Variants in CLTB observed in about 807,000 individuals in gnomAD.
CLTB encodes clathrin, light chain (Lcb).
Under a neutral mutation model 30.5 loss-of-function variants are expected in CLTB, and 10 were observed. The ratio of observed to expected loss-of-function variants is 0.33; its 90% CI spans 0.20 to 0.56. The LOEUF (loss-of-function observed/expected upper bound fraction) is 0.56, where lower values mean the gene tolerates loss of function less well. Ranked by LOEUF, CLTB falls within the 20% of genes least tolerant of loss-of-function variation. The probability of loss-of-function intolerance (pLI) is 0.91; values close to 1 mark genes in which losing one functional copy is unlikely to be tolerated. For missense variants in CLTB, 261 were observed against 308.3 expected, an observed-to-expected ratio of 0.85 and a Z score of 1.15; for synonymous variants, 102 against 120.3, an observed-to-expected ratio of 0.85 and a Z score of 1.00.
intron 1 of CLTB, among the ~76,000 whole-genome samples, chr5:176,413,799 C>T (rs995885148): frequency 3.9e-5 from 6 of 152,238 alleles, no homozygotes; most frequent in Admixed American, 2.0e-4. Context: ...GAGCCGCCAT[C>T]CCTCAACACC....
At chr5:176,406,443 A>ATG in intron 2 of CLTB, 1 of 1,174,530 alleles carries the variant, frequency 8.5e-7, no homozygotes, top group Non-Finnish European at 1.1e-6. Flanking sequence ...GGCCAAGAGG[A>ATG]TGAGCCACAT....
At chr5:176,404,647 G>T (rs1581437340) in intron 2 of CLTB, among the ~76,000 whole-genome samples, 1 of 152,162 alleles carries the variant, frequency 6.6e-6, no homozygotes. Context: ...GCCAAACTGG[G>T]CCCACATCTC....
At chr5:176,394,280 G>A (rs1756388764) in intron 5 of CLTB, among the ~76,000 whole-genome samples, 1 of 152,192 alleles carries the variant, frequency 6.6e-6, no homozygotes, top group Non-Finnish European at 1.5e-5. Flanking sequence ...TCAGCATGAC[G>A]ACAGAGCCTG....
rs762553981 is a variant in CLTB at position 176,416,251 on chromosome 5, A to G, written c.113T>C (p.Ile38Thr). Residue 38 changes from isoleucine to threonine, a missense_variant, in exon 1 of 6, where the codon ATA becomes ACA. By Grantham distance (89) the Ile-to-Thr change is moderately conservative. Around this residue, in one of 3 missense-constraint regions of CLTB, gnomAD observed 113 missense variants for 102.5 expected, o/e 1.10. Coordinates refer to ENST00000310418, the MANE Select transcript of CLTB (RefSeq NM_007097.5). ...LAQQESEIAG[I>T]ENDEGFGAPA... The stretch of plus-strand genomic sequence containing the variant: ...TGCCCCGAAGCCCTCGTCGTTCTCT[A>G]TGCCTGCAATCTCGCTCTCCTGCTG... 1 of 1,601,788 alleles carries G rather than the reference A, an allele frequency of 6.2e-7. No homozygotes were observed. Among genetic ancestry groups the G allele is most frequent in the Non-Finnish European group, 8.5e-7 (1 of 1,175,992 alleles).
chr5:176,395,502 C>T (rs1441905388), intron 5 of CLTB, among the ~76,000 whole-genome samples: 1 of 152,200 alleles, frequency 6.6e-6, no homozygotes, highest in Non-Finnish European at 1.5e-5. Context: ...GGCTTAGCCT[C>T]GACACATGAC....
In CLTB at chr5:176,396,525, C is replaced by A; in HGVS notation, c.472G>T (p.Asp158Tyr). Residue 158 changes from aspartate to tyrosine, a missense_variant, in exon 5 of 6, where the codon GAC becomes TAC. By Grantham distance (160) the Asp-to-Tyr change is radical. Coordinates refer to ENST00000310418, the MANE Select transcript of CLTB (RefSeq NM_007097.5). ...EKNKINNRIADKAFYQQPDAD... is the reference protein window; with the variant it reads ...EKNKINNRIAYKAFYQQPDAD... ...TCTGGCTGCTGGTAGAATGCTTTGTCAGCGATCCTTGAGGGAAAGGTTGAG... is the reference window on the plus strand; with the variant it reads ...TCTGGCTGCTGGTAGAATGCTTTGTAAGCGATCCTTGAGGGAAAGGTTGAG... 1.2e-6 allele frequency: 2 copies of A among 1,613,538 alleles called. No homozygotes were observed. The highest frequency in any genetic ancestry group is 2.2e-5 in the East Asian group (1 of 44,882).
chr5:176,416,536 C>A lies in CLTB; in HGVS notation c.-173G>T. On this transcript the variant is annotated 5_prime_UTR_variant, in exon 1 of 6. Coordinates refer to ENST00000310418, the MANE Select transcript of CLTB (RefSeq NM_007097.5). ...TCCGCCACCGGGCCCGGCTGGCTGT[C>A]ACTGCGGTGCGGGCGCCGCGGCGGG... is the stretch of plus-strand genomic sequence containing the variant. 1 of 388,632 alleles carries A rather than the reference C, an allele frequency of 2.6e-6. No homozygotes were observed. 24.1% of individuals were successfully genotyped at this position (388,632 alleles called of 1,614,324 possible).
Position 176,393,333 on chromosome 5 carries a change from C to T in CLTB, c.519-388G>A, listed in dbSNP as rs1011623216. 7.9e-5 allele frequency among the ~76,000 whole-genome samples: 12 copies of T among 152,158 alleles called. No homozygotes were observed. Among genetic ancestry groups the T allele is most frequent in the Non-Finnish European group, 1.8e-4 (12 of 68,026 alleles). On this transcript the variant is annotated intron_variant, in intron 5 of 5. Transcript: ENST00000310418. The surrounding 1 kb of genome is among the most constrained non-coding windows in gnomAD (Gnocchi z 4.4). Reference sequence around the variant, plus strand: ...CTAAAGACCCTTGGAGGTCCTAGGACGACCTAATGCAGGACCTTAGCTATT... The same window carrying T: ...CTAAAGACCCTTGGAGGTCCTAGGATGACCTAATGCAGGACCTTAGCTATT...
At position 176,392,682 on chromosome 5, in the gene CLTB, C is replaced by T. The variant is rs966125067; in HGVS notation, c.*92G>A. The stretch of plus-strand genomic sequence containing the variant: ...GAGGAGTGGAATAGGCTGTGGGTAG[C>T]AGCTGCTGCGAGTCTCCACCCCGAC... On this transcript the variant is annotated 3_prime_UTR_variant, in exon 6 of 6. Coordinates refer to ENST00000310418, the MANE Select transcript of CLTB (RefSeq NM_007097.5). The surrounding 1 kb of genome is among the most constrained non-coding windows in gnomAD (Gnocchi z 5.2). 7.0e-7 allele frequency: 1 copy of T among 1,436,318 alleles called. No individual in the cohort carries two copies. The highest frequency in any genetic ancestry group is 9.6e-7 in the Non-Finnish European group (1 of 1,041,320). 89.0% of individuals were successfully genotyped at this position (1,436,318 alleles called of 1,614,324 possible).
intron 2 of CLTB, among the ~76,000 whole-genome samples, chr5:176,402,596 G>A (rs940852244): frequency 2.0e-5 from 3 of 152,198 alleles, no homozygotes; most frequent in Non-Finnish European, 4.4e-5. Flanking sequence ...TCCCTGCCAT[G>A]AGGGCAGAGG....
intron 2 of CLTB, among the ~76,000 whole-genome samples, chr5:176,400,042 T>C (rs983060752): frequency 6.6e-6 from 1 of 151,756 alleles, no homozygotes; most frequent in African/African-American, 2.4e-5. Context: ...AAACACAAAA[T>C]TAGCTGGGTG....
At chr5:176,409,460 C>A (rs1266387407) in intron 2 of CLTB, among the ~76,000 whole-genome samples, 1 of 125,350 alleles carries the variant, frequency 8.0e-6, no homozygotes, top group Admixed American at 9.8e-5. Context: ...ATCTCCCAGG[C>A]TGGAGAGCAA....
At chr5:176,411,301 AC>A (rs1757417012) in intron 1 of CLTB, among the ~76,000 whole-genome samples, 1 of 152,150 alleles carries the variant, frequency 6.6e-6, no homozygotes, top group East Asian at 1.9e-4. Context: ...TAAAACATGC[AC>A]TTACCTGTGC....
chr5:176,410,047 T>C (rs539982338), intron 2 of CLTB, among the ~76,000 whole-genome samples: 1 of 152,286 alleles, frequency 6.6e-6, no homozygotes, highest in South Asian at 2.1e-4. Context: ...CTACTGCCCA[T>C]CAATCTCGAT....
Position 176,396,607 on chromosome 5 carries a change from A to T in CLTB, c.465-75T>A. ...AAGACAGACAGGCAGGCAGAAGGTTAGAGAGAGAGAGAGAGACAGCATTAG... is the reference window on the plus strand; with the variant it reads ...AAGACAGACAGGCAGGCAGAAGGTTTGAGAGAGAGAGAGAGACAGCATTAG... On this transcript the variant is annotated intron_variant, in intron 4 of 5. Coordinates refer to ENST00000310418, the MANE Select transcript of CLTB (RefSeq NM_007097.5). 7.7e-6 allele frequency: 3 copies of T among 390,356 alleles called. No homozygotes were observed. In the South Asian group the frequency reaches 1.4e-4, roughly 18 times the overall value. The allele number at this position is 390,356 out of a possible 1,614,324, so 24.2% of individuals were successfully genotyped here. A position where few individuals can be genotyped will look rare whatever the true frequency, so the allele number is the denominator to read the frequency against.
In CLTB at chr5:176,416,188, G is replaced by A. The variant is rs1199798047; in HGVS notation, c.176C>T (p.Pro59Leu). 4 of 1,583,632 alleles carry A rather than the reference G, an allele frequency of 2.5e-6. No homozygotes were observed. The highest frequency in any genetic ancestry group is 2.3e-5 in the South Asian group (2 of 88,178). ...GSHAAPAQPG[P>L]TSGAGSEDMG... The stretch of plus-strand genomic sequence containing the variant: ...CCGCGCTGACTCACCCCCACTCGTG[G>A]GGCCCGGCTGCGCGGGGGCCGCATG... The change falls in exon 1 of 6, where the codon CCC (proline) becomes CTC (leucine). Residue 59 changes from proline (P) to leucine (L), a missense_variant. Pro to Leu is a moderately conservative substitution (Grantham distance 98). Around this residue, in one of 3 missense-constraint regions of CLTB, gnomAD observed 113 missense variants for 102.5 expected, o/e 1.10. Transcript: ENST00000310418.
intron 2 of CLTB, among the ~76,000 whole-genome samples, chr5:176,400,610 C>A (rs1469352587): frequency 6.6e-6 from 1 of 152,216 alleles, no homozygotes; most frequent in Non-Finnish European, 1.5e-5. Flanking sequence ...GGCACCCACG[C>A]CCTCCGCATT....
chr5:176,397,640 C>T lies in CLTB; in HGVS notation c.431G>A (p.Ser144Asn). The change falls in exon 4 of 6, where the codon AGT (serine) becomes AAT (asparagine). Residue 144 changes from serine to asparagine, a missense_variant. Coordinates refer to ENST00000310418, the MANE Select transcript of CLTB (RefSeq NM_007097.5). ...GATCTTGTTCTTCTCTACTTGTTCACTCTGGCGCTGGTTCCACTCCTCCAG... is the reference window on the plus strand; with the variant it reads ...GATCTTGTTCTTCTCTACTTGTTCATTCTGGCGCTGGTTCCACTCCTCCAG... ...KDLEEWNQRQSEQVEKNKINN... is the reference protein window; with the variant it reads ...KDLEEWNQRQNEQVEKNKINN... The T allele has an allele frequency of 6.2e-7, 1 of 1,608,244 alleles. No homozygotes were observed. The highest frequency in any genetic ancestry group is 2.2e-5 in the East Asian group (1 of 44,446).
chr5:176,414,584 A>G (rs534956859), intron 1 of CLTB, among the ~76,000 whole-genome samples: 1 of 152,096 alleles, frequency 6.6e-6, no homozygotes, highest in East Asian at 1.9e-4. Context: ...CTACAACTAC[A>G]GCTACATGCC....
Sources: allele counts gnomAD v4.1 joint callset (sites outside exome capture counted in the v4.1 genomes callset), GRCh38; gene constraint gnomAD v4.1.1; regional missense constraint gnomAD v4.1.1; non-coding constraint Gnocchi (gnomAD v3.1); transcripts MANE v1.5; gene names NCBI Gene and HGNC (gene_info 2026-07-23, HGNC 2026-07-21).